The following FGF13 variants were observed in gnomAD, a reference collection of about 807,000 sequenced individuals.
FGF13 encodes the protein fibroblast growth factor homologous factor 2.
Under a neutral mutation model 19.5 loss-of-function variants are expected in FGF13, and 2 were observed. The ratio of observed to expected loss-of-function variants is 0.10; its 90% CI spans 0.04 to 0.32. The LOEUF (loss-of-function observed/expected upper bound fraction) is 0.32. Ranked by LOEUF, FGF13 falls within the 10% of genes least tolerant of loss-of-function variation. The pLI is 1.00. For missense variants in FGF13, 113 were observed against 192.7 expected (o/e 0.59, Z 2.45); for synonymous variants, 72 against 76.9 (o/e 0.94, Z 0.33).
chrX:138,779,592 A>C (rs2090620803), intron 3 of FGF13, among the ~76,000 whole-genome samples: 1 of 110,435 alleles, frequency 9.1e-6, no homozygotes, highest in Non-Finnish European at 1.9e-5. Flanking sequence ...AATGAAATGA[A>C]GCGAGAAGGG....
At chrX:138,665,642 T>G in intron 3 of FGF13, among the ~76,000 whole-genome samples, 1 of 111,375 alleles carries the variant, frequency 9.0e-6, no homozygotes, top group East Asian at 2.8e-4. Flanking sequence ...ATGAAAAACA[T>G]GTAGATTTTT....
chrX:138,622,426 C>T lies in FGF13; in HGVS notation c.*10424G>A, dbSNP rs1416299243. 1 of 111,302 alleles carries T rather than the reference C, an allele frequency of 9.0e-6. No individual in the cohort carries two copies. Among genetic ancestry groups the T allele is most frequent in the Non-Finnish European group, 1.9e-5 (1 of 52,903 alleles). The allele number at this position is 111,302 out of a possible 1,213,427, so 9.2% of individuals were successfully genotyped here. On this transcript the variant is annotated 3_prime_UTR_variant, in exon 5 of 5. Coordinates refer to ENST00000315930, the MANE Select transcript of FGF13 (RefSeq NM_004114.5). The stretch of plus-strand genomic sequence containing the variant: ...CCTTTCATGATGAAAACATTCAAAA[C>T]ATTAGGTAGAGAAGGAATATCCCTA...
At chrX:138,817,682 C>G (rs1318076545) in intron 3 of FGF13, among the ~76,000 whole-genome samples, 1 of 111,673 alleles carries the variant, frequency 9.0e-6, no homozygotes, top group African/African-American at 3.3e-5. Context: ...TGGTTTAATT[C>G]CTCTGAAAAA....
chrX:138,971,678 G>T (rs867268318), intron 1 of FGF13, among the ~76,000 whole-genome samples: 1 of 111,328 alleles, frequency 9.0e-6, no homozygotes, highest in Non-Finnish European at 1.9e-5. Context: ...GTCAAATCAG[G>T]GTCAATAGTA....
chrX:138,953,988 C>A (rs2091828391), intron 1 of FGF13, among the ~76,000 whole-genome samples: 1 of 110,280 alleles, frequency 9.1e-6, no homozygotes, highest in Admixed American at 9.8e-5. Context: ...AAGGAAATAT[C>A]TTTATCTTGT....
At chrX:138,677,217 G>A (rs1020209561) in intron 3 of FGF13, among the ~76,000 whole-genome samples, 1 of 111,603 alleles carries the variant, frequency 9.0e-6, no homozygotes, top group Non-Finnish European at 1.9e-5. Context: ...CTAAAACCAT[G>A]AAAACCCTAG....
intron 3 of FGF13, among the ~76,000 whole-genome samples, chrX:138,779,726 T>C (rs2090622790): frequency 1.8e-5 from 2 of 109,206 alleles, no homozygotes; most frequent in African/African-American, 6.7e-5. Context: ...TGGAACCAAG[T>C]TGGAAAACAC....
intron 3 of FGF13, among the ~76,000 whole-genome samples, chrX:138,691,116 G>T (rs911080999): frequency 9.0e-6 from 1 of 111,078 alleles, no homozygotes; most frequent in African/African-American, 3.3e-5. Context: ...AATGAAGGGA[G>T]TTTTCAGGAA....
intron 1 of FGF13, among the ~76,000 whole-genome samples, chrX:139,070,476 C>A (rs1413135836): frequency 8.9e-6 from 1 of 112,131 alleles, no homozygotes; most frequent in African/African-American, 3.2e-5. Context: ...ATTCAGGAAA[C>A]AACAGAGGCT....
intron 1 of FGF13, among the ~76,000 whole-genome samples, chrX:138,916,082 T>C (rs1354854684): frequency 8.9e-6 from 1 of 112,014 alleles, no homozygotes; most frequent in Non-Finnish European, 1.9e-5. Context: ...CTGCTGGTGT[T>C]GCATAAAGGT....
intron 1 of FGF13, among the ~76,000 whole-genome samples, chrX:138,975,185 T>C (rs910873456): frequency 2.7e-5 from 3 of 112,996 alleles, no homozygotes; most frequent in African/African-American, 9.6e-5. Context: ...CACTTCACTG[T>C]ATATAGAAAG....
At chrX:138,751,989 G>T (rs921595951) in intron 3 of FGF13, among the ~76,000 whole-genome samples, 2 of 111,593 alleles carry the variant, frequency 1.8e-5, no homozygotes, top group African/African-American at 6.5e-5. Flanking sequence ...ACCTACTCAG[G>T]TTCACACAGT....
At chrX:138,723,476 T>C (rs953299860) in intron 1 of FGF13, among the ~76,000 whole-genome samples, 3 of 111,111 alleles carry the variant, frequency 2.7e-5, no homozygotes, top group African/African-American at 9.8e-5. Context: ...AGGGCCTAAT[T>C]TGCGCATTCT....
At chrX:138,794,078 C>T (rs1337685271) in intron 3 of FGF13, among the ~76,000 whole-genome samples, 1 of 111,140 alleles carries the variant, frequency 9.0e-6, no homozygotes, top group Non-Finnish European at 1.9e-5. Flanking sequence ...GAACAACAGC[C>T]TCCCCTCCAT....
At chrX:138,807,671 C>A (rs919546303) in intron 3 of FGF13, among the ~76,000 whole-genome samples, 1 of 111,273 alleles carries the variant, frequency 9.0e-6, no homozygotes, top group African/African-American at 3.3e-5. Flanking sequence ...GAGTCAAGAC[C>A]CATCAGTGTG....
intron 3 of FGF13, among the ~76,000 whole-genome samples, chrX:138,788,359 T>C (rs931804830): frequency 1.8e-5 from 2 of 112,402 alleles, no homozygotes; most frequent in African/African-American, 6.5e-5. Flanking sequence ...GATGGAGGTC[T>C]CGTCTCCTGA....
chrX:138,931,389 A>G (rs921300462), intron 1 of FGF13, among the ~76,000 whole-genome samples: 2 of 112,106 alleles, frequency 1.8e-5, no homozygotes, highest in African/African-American at 3.2e-5. Flanking sequence ...AACACTGTCT[A>G]GGATAGTATG....
At chrX:138,639,807 A>G (rs1471307463) in intron 3 of FGF13, among the ~76,000 whole-genome samples, 1 of 109,754 alleles carries the variant, frequency 9.1e-6, no homozygotes, top group African/African-American at 3.3e-5. Context: ...TGGCTAACAC[A>G]GTGAAACCCT....
At chrX:138,761,438 T>C (rs1470944045) in intron 3 of FGF13, among the ~76,000 whole-genome samples, 4 of 111,296 alleles carry the variant, frequency 3.6e-5, no homozygotes, top group Admixed American at 1.9e-4. Context: ...ATGTTTAAGG[T>C]CAAAGGCTTT....
Sources: allele counts gnomAD v4.1 joint callset (sites outside exome capture counted in the v4.1 genomes callset), GRCh38; gene constraint gnomAD v4.1.1; transcripts MANE v1.5; gene names NCBI Gene and HGNC (gene_info 2026-07-23, HGNC 2026-07-21).